MAPKAP1: variants seen among roughly 807,000 people sequenced by gnomAD.
MAPKAP1 encodes target of rapamycin complex 2 subunit MAPKAP1.
A neutral mutation model predicts 65.7 loss-of-function variants in MAPKAP1; 20 were observed. The observed-to-expected ratio is 0.30, with a 90% CI of 0.21 to 0.44. The LOEUF (loss-of-function observed/expected upper bound fraction) is 0.44. Ranked by LOEUF, MAPKAP1 falls within the 20% of genes least tolerant of loss-of-function variation. MAPKAP1 has a pLI of 1.00. For synonymous variants in MAPKAP1, 222 were observed against 244.3 expected (o/e 0.91, Z 0.85); for missense variants, 423 against 648.0 (o/e 0.65, Z 3.77).
intron 1 of MAPKAP1, among the ~76,000 whole-genome samples, chr9:125,693,576 C>T (rs1835250921): frequency 6.6e-6 from 1 of 150,408 alleles, no homozygotes; most frequent in Non-Finnish European, 1.5e-5. Flanking sequence ...TACATACACA[C>T]ACATATATAC....
intron 7 of MAPKAP1, among the ~76,000 whole-genome samples, chr9:125,511,430 G>A (rs577807077): frequency 6.6e-6 from 1 of 152,168 alleles, no homozygotes; most frequent in East Asian, 1.9e-4. Flanking sequence ...GGAACTAGTA[G>A]AAGTGAGAGA....
intron 4 of MAPKAP1, among the ~76,000 whole-genome samples, chr9:125,633,293 A>C (rs1030329119): frequency 2.0e-5 from 3 of 152,244 alleles, no homozygotes; most frequent in Non-Finnish European, 4.4e-5. Context: ...GATAACAAAG[A>C]CAGCAAGTCA....
At chr9:125,541,529 C>T (rs1830247863) in intron 7 of MAPKAP1, among the ~76,000 whole-genome samples, 1 of 152,080 alleles carries the variant, frequency 6.6e-6, no homozygotes, top group Admixed American at 6.6e-5. Flanking sequence ...AGGGTGAATG[C>T]CTACTAAATA....
chr9:125,633,029 T>C (rs1444482446), intron 4 of MAPKAP1, among the ~76,000 whole-genome samples: 1 of 152,230 alleles, frequency 6.6e-6, no homozygotes, highest in African/African-American at 2.4e-5. Flanking sequence ...TGGTGGCTCC[T>C]AGCAATCACT....
intron 9 of MAPKAP1, among the ~76,000 whole-genome samples, chr9:125,481,759 A>G (rs1639542105): frequency 6.6e-6 from 1 of 152,078 alleles, no homozygotes; most frequent in Non-Finnish European, 1.5e-5. Flanking sequence ...CCATTCAGAA[A>G]AAGCAGGCCC....
Position 125,442,119 on chromosome 9 carries a change from ACT to A in MAPKAP1, c.1443+2380_1443+2381del, listed in dbSNP as rs1382407198. Among the ~76,000 whole-genome samples, 13 of 115,616 alleles carry A rather than the reference ACT, an allele frequency of 1.1e-4. 1 individual carries two copies. The South Asian group carries it at 2.9e-3, about 26-fold the overall frequency. The allele number at this position is 115,616 out of a possible 152,430, so 75.8% of individuals were successfully genotyped here. Reference sequence around the variant, plus strand: ...ACCCCAGCCTGTGCAACAGAGTGAGACTCTGTCTCAAAAAAAAAAAAAAAAAA... The same window carrying A: ...ACCCCAGCCTGTGCAACAGAGTGAGACTGTCTCAAAAAAAAAAAAAAAAAA... On this transcript the variant is annotated intron_variant, in intron 11 of 11. Coordinates refer to ENST00000265960, the MANE Select transcript of MAPKAP1 (RefSeq NM_001006617.3).
chr9:125,438,724 TA>T lies in MAPKAP1; in HGVS notation c.*162del. 1.1e-6 allele frequency: 1 copy of T among 879,430 alleles called. No individual in the cohort carries two copies. 54.5% of individuals were successfully genotyped at this position (879,430 alleles called of 1,614,324 possible). ...TGGCAATGTCCCCAGCGCTCCCTCC[TA>T]GGGGGCCCCCGACACCTTCCCCGAG... On this transcript the variant is annotated 3_prime_UTR_variant, in exon 12 of 12. Coordinates refer to ENST00000265960, the MANE Select transcript of MAPKAP1 (RefSeq NM_001006617.3).
chr9:125,506,509 A>C, intron 7 of MAPKAP1, 92 bp from the exon 8 acceptor site: 1 of 1,040,670 alleles, frequency 9.6e-7, no homozygotes, highest in Non-Finnish European at 1.5e-6. Context: ...AAAGCTGATA[A>C]AGCCTTAGTA....
At chr9:125,628,592 G>A (rs1047477544) in intron 4 of MAPKAP1, among the ~76,000 whole-genome samples, 7 of 152,152 alleles carry the variant, frequency 4.6e-5, no homozygotes, top group Non-Finnish European at 2.9e-5. Flanking sequence ...AAGGCTTAAT[G>A]TAAGACCTGA....
chr9:125,585,508 C>A, intron 5 of MAPKAP1, 47 bp downstream of exon 5: 1 of 1,593,098 alleles, frequency 6.3e-7, no homozygotes, highest in Non-Finnish European at 8.6e-7. Flanking sequence ...CCTTGGGTGG[C>A]CAAAAGACCA....
At chr9:125,614,176 C>A (rs979934976) in intron 4 of MAPKAP1, among the ~76,000 whole-genome samples, 2 of 152,138 alleles carry the variant, frequency 1.3e-5, no homozygotes, top group African/African-American at 4.8e-5. Flanking sequence ...AGAGAATAAT[C>A]TTACAGGCCA....
Position 125,596,205 on chromosome 9 carries a change from C to A in MAPKAP1, c.499-10478G>T, listed in dbSNP as rs1047821019. On this transcript the variant is annotated intron_variant, in intron 4 of 11. Coordinates refer to ENST00000265960, the MANE Select transcript of MAPKAP1 (RefSeq NM_001006617.3). ...CCACAATTGTGAAGTTAGGAAAGCT[C>A]TGTCAAAGCAAGAGATGGCTAATAC... The A allele has an allele frequency of 3.9e-6, 3 of 767,462 alleles. No individual in the cohort carries two copies. The Admixed American group carries it at 5.1e-5, about 13-fold the overall frequency. The allele number at this position is 767,462 out of a possible 1,614,324, so 47.5% of individuals were successfully genotyped here.
intron 7 of MAPKAP1, among the ~76,000 whole-genome samples, chr9:125,541,286 C>T (rs1401308442): frequency 6.6e-6 from 1 of 152,012 alleles, no homozygotes; most frequent in East Asian, 1.9e-4. Context: ...ACAGAGACGA[C>T]GGGAGACAGA....
rs1564515513 is a variant in MAPKAP1 at position 125,452,084 on chromosome 9, A to G, written c.1346-7486T>C. Among the ~76,000 whole-genome samples the G allele has an allele frequency of 2.6e-5, 4 of 152,004 alleles. No homozygotes were observed. In the South Asian group the frequency reaches 8.3e-4, roughly 32 times the overall value. The stretch of plus-strand genomic sequence containing the variant: ...CTTGGCCTCCTGAAGTGCTGGGATT[A>G]CAGGCATGAGCCACCGCACCAGCCC... On this transcript the variant is annotated intron_variant, in intron 10 of 11. Coordinates refer to ENST00000265960, the MANE Select transcript of MAPKAP1 (RefSeq NM_001006617.3).
chr9:125,454,322 C>T lies in MAPKAP1; in HGVS notation c.1346-9724G>A, dbSNP rs758638132. 1.1e-4 allele frequency among the ~76,000 whole-genome samples: 17 copies of T among 152,188 alleles called. No homozygotes were observed. In the South Asian group the frequency reaches 1.2e-3, roughly 11 times the overall value. On this transcript the variant is annotated intron_variant, in intron 10 of 11. Coordinates refer to ENST00000265960, the MANE Select transcript of MAPKAP1 (RefSeq NM_001006617.3). Reference sequence around the variant, plus strand: ...GTAGATAAGAAACAAGTTCTGCATCCGGGAATTTCCTCCTTGGAGGGACTT... The same window carrying T: ...GTAGATAAGAAACAAGTTCTGCATCTGGGAATTTCCTCCTTGGAGGGACTT...
chr9:125,605,618 A>G (rs1832418711), intron 4 of MAPKAP1, among the ~76,000 whole-genome samples: 1 of 152,144 alleles, frequency 6.6e-6, no homozygotes, highest in Non-Finnish European at 1.5e-5. Flanking sequence ...TTCGGAACCC[A>G]TTGTCACAGG....
At chr9:125,610,294 T>A (rs1832560878) in intron 4 of MAPKAP1, among the ~76,000 whole-genome samples, 1 of 152,192 alleles carries the variant, frequency 6.6e-6, no homozygotes, top group South Asian at 2.1e-4. Context: ...AAAGTATGTA[T>A]CCTGACCAAC....
At position 125,443,682 on chromosome 9, in the gene MAPKAP1, C is replaced by T. The variant is rs1178704245; in HGVS notation, c.1443+819G>A. On this transcript the variant is annotated intron_variant, in intron 11 of 11. Transcript: ENST00000265960. The stretch of plus-strand genomic sequence containing the variant: ...TGCAAGGCCCTGCACGGCCTAGCCC[C>T]GCCAGCCCCGCCAGCTCCCCCAGCC... Among the ~76,000 whole-genome samples the T allele has an allele frequency of 4.7e-5, 7 of 148,780 alleles. No homozygotes were observed. In the East Asian group the frequency reaches 1.0e-3, roughly 21 times the overall value.
intron 5 of MAPKAP1, among the ~76,000 whole-genome samples, chr9:125,574,999 G>C (rs1831349185): frequency 6.6e-6 from 1 of 152,184 alleles, no homozygotes; most frequent in South Asian, 2.1e-4. Flanking sequence ...GTTATATTCT[G>C]ATTAAGAAAG....
Sources: gnomAD v4.1 joint callset for allele counts (sites outside exome capture counted in the v4.1 genomes callset) on GRCh38, gnomAD v4.1.1 for gene constraint, MANE v1.5 for transcripts, NCBI Gene and HGNC (gene_info 2026-07-23, HGNC 2026-07-21) for gene names.